The following NR3C1 variants were observed in gnomAD, a reference collection of about 807,000 sequenced individuals.
The protein encoded by NR3C1 is nuclear receptor subfamily 3 group C member 1.
Under a neutral mutation model 74.0 loss-of-function variants are expected in NR3C1, and 14 were observed. The observed-to-expected ratio is 0.19, with a 90% CI of 0.12 to 0.30. NR3C1 has a LOEUF of 0.30. Ranked by LOEUF, NR3C1 falls within the 10% of genes least tolerant of loss-of-function variation. NR3C1 has a pLI of 1.00. For missense variants in NR3C1, 695 were observed against 909.8 expected, an observed-to-expected ratio of 0.76 and a Z score of 3.04; for synonymous variants, 308 against 332.5, an observed-to-expected ratio of 0.93 and a Z score of 0.80.
At chr5:143,350,325 A>G (rs1332310610) in intron 2 of NR3C1, among the ~76,000 whole-genome samples, 1 of 152,160 alleles carries the variant, frequency 6.6e-6, no homozygotes, top group Non-Finnish European at 1.5e-5. Flanking sequence ...AGGAGCAGTT[A>G]AGAATATAAG....
chr5:143,418,421 TC>T (rs1751034508), intron 1 of NR3C1, among the ~76,000 whole-genome samples: 1 of 152,214 alleles, frequency 6.6e-6, no homozygotes, highest in African/African-American at 2.4e-5. Flanking sequence ...TTTGCCTTTT[TC>T]TGCTTAAGTA....
At chr5:143,336,871 C>T (rs1242039748) in intron 2 of NR3C1, among the ~76,000 whole-genome samples, 1 of 151,590 alleles carries the variant, frequency 6.6e-6, no homozygotes, top group Non-Finnish European at 1.5e-5. Context: ...CCTAGCTACT[C>T]GGGTTGCTGA....
At chr5:143,422,209 G>A (rs1247848981) in intron 1 of NR3C1, among the ~76,000 whole-genome samples, 1 of 152,036 alleles carries the variant, frequency 6.6e-6, no homozygotes, top group Non-Finnish European at 1.5e-5. Context: ...CATCTGAGTT[G>A]CCCATCAGAT....
chr5:143,370,983 C>T (rs1329678627), intron 2 of NR3C1, among the ~76,000 whole-genome samples: 2 of 152,070 alleles, frequency 1.3e-5, no homozygotes, highest in Admixed American at 1.3e-4. Context: ...TAGACCATAG[C>T]CAAGTCAAGT....
chr5:143,353,894 T>C (rs946985967), intron 2 of NR3C1, among the ~76,000 whole-genome samples: 1 of 152,234 alleles, frequency 6.6e-6, no homozygotes, highest in Admixed American at 6.5e-5. Context: ...TTGACTCCTT[T>C]CTAGCTATGA....
intron 2 of NR3C1, among the ~76,000 whole-genome samples, chr5:143,380,120 CAGAGA>C (rs1349285445): frequency 1.3e-5 from 2 of 152,024 alleles, no homozygotes; most frequent in Non-Finnish European, 2.9e-5. Flanking sequence ...TTTGAGCAAG[CAGAGA>C]AAACAAAAGA....
At chr5:143,338,864 C>T (rs1827678697) in intron 2 of NR3C1, among the ~76,000 whole-genome samples, 1 of 152,176 alleles carries the variant, frequency 6.6e-6, no homozygotes, top group African/African-American at 2.4e-5. Flanking sequence ...TGACTCACAG[C>T]AACTTCCAAT....
intron 1 of NR3C1, among the ~76,000 whole-genome samples, chr5:143,413,490 G>A (rs948508525): frequency 6.6e-6 from 1 of 152,092 alleles, no homozygotes; most frequent in Non-Finnish European, 1.5e-5. Context: ...GGCATGACTG[G>A]ATTCAGGGGC....
At chr5:143,289,920 C>T (rs576797371) in intron 7 of NR3C1, among the ~76,000 whole-genome samples, 85 of 152,274 alleles carry the variant, frequency 5.6e-4, no homozygotes, top group African/African-American at 2.0e-3. Flanking sequence ...AATTTAAACA[C>T]ACACTCAACC....
chr5:143,420,964 A>C (rs1751201558), intron 1 of NR3C1, among the ~76,000 whole-genome samples: 2 of 152,170 alleles, frequency 1.3e-5, no homozygotes, highest in African/African-American at 4.8e-5. Flanking sequence ...AGATAATGGA[A>C]ATTATTTTAT....
intron 1 of NR3C1, among the ~76,000 whole-genome samples, chr5:143,419,267 T>C (rs1232539780): frequency 6.6e-6 from 1 of 152,212 alleles, no homozygotes; most frequent in Non-Finnish European, 1.5e-5. Context: ...CTGTTATACC[T>C]GTTCTCTTGT....
At chr5:143,411,583 C>T (rs1841294535) in intron 1 of NR3C1, among the ~76,000 whole-genome samples, 1 of 152,070 alleles carries the variant, frequency 6.6e-6, no homozygotes, top group Non-Finnish European at 1.5e-5. Context: ...TGAATTTTAG[C>T]TGTAGGTTGG....
intron 2 of NR3C1, among the ~76,000 whole-genome samples, chr5:143,326,248 C>G (rs962829148): frequency 2.6e-5 from 4 of 152,186 alleles, no homozygotes; most frequent in African/African-American, 9.7e-5. Flanking sequence ...ATCCATTAAG[C>G]TTGACAGAGT....
intron 2 of NR3C1, among the ~76,000 whole-genome samples, chr5:143,330,046 T>A (rs1450544256): frequency 6.6e-6 from 1 of 152,212 alleles, no homozygotes; most frequent in African/African-American, 2.4e-5. Flanking sequence ...AGTTTCACTT[T>A]TGAAAATTTA....
intron 2 of NR3C1, among the ~76,000 whole-genome samples, chr5:143,392,506 T>C (rs1035969473): frequency 4.6e-5 from 7 of 152,148 alleles, no homozygotes; most frequent in African/African-American, 1.7e-4. Context: ...CAGATAAGTG[T>C]TAAGGTTTCC....
At chr5:143,375,230 T>TA (rs1195340506) in intron 2 of NR3C1, among the ~76,000 whole-genome samples, 10 of 152,020 alleles carry the variant, frequency 6.6e-5, no homozygotes, top group African/African-American at 2.2e-4. Flanking sequence ...AAGAAAAATG[T>TA]AAAAAAACCA....
intron 2 of NR3C1, among the ~76,000 whole-genome samples, chr5:143,335,215 C>G (rs1826879709): frequency 6.6e-6 from 1 of 152,128 alleles, no homozygotes; most frequent in South Asian, 2.1e-4. Flanking sequence ...GTAGGCTGGC[C>G]CCATTTTTCA....
At position 143,294,414 on chromosome 5, in the gene NR3C1, T is replaced by C. The variant is rs905008531; in HGVS notation, c.2023+1046A>G. On this transcript the variant is annotated intron_variant, in intron 7 of 8. Transcript: ENST00000394464. ...TAGAGCTTTTTTTAAAAAAGACTTT[T>C]TTTAGAGCAGTTTTAAGTTCACAGC... 33 of 761,672 alleles carry C rather than the reference T, an allele frequency of 4.3e-5. No individual in the cohort carries two copies. The Admixed American group carries it at 1.8e-3, about 40-fold the overall frequency. 47.2% of individuals were successfully genotyped at this position (761,672 alleles called of 1,614,324 possible).
chr5:143,404,885 C>T (rs1041349738), upstream of NR3C1, among the ~76,000 whole-genome samples: 7 of 152,164 alleles, frequency 4.6e-5, no homozygotes, highest in Non-Finnish European at 7.4e-5. Flanking sequence ...CTGTGCGTTG[C>T]TCACCCTATC....
Sources: allele counts gnomAD v4.1 joint callset (sites outside exome capture counted in the v4.1 genomes callset), GRCh38; gene constraint gnomAD v4.1.1; transcripts MANE v1.5; gene names NCBI Gene and HGNC (gene_info 2026-07-23, HGNC 2026-07-21).